FAM20C: variants seen among roughly 807,000 people sequenced by gnomAD.
FAM20C encodes extracellular serine/threonine protein kinase FAM20C.
A neutral mutation model predicts 51.5 loss-of-function variants in FAM20C; 40 were observed. The ratio of observed to expected loss-of-function variants is 0.78; its 90% CI spans 0.60 to 1.01. The LOEUF is 1.01. Ranked by LOEUF, FAM20C falls within the 50% of genes least tolerant of loss-of-function variation. The pLI is 0.00. For synonymous variants in FAM20C, 406 were observed against 380.6 expected, an observed-to-expected ratio of 1.07 and a Z score of -0.78; for missense variants, 861 against 844.7, an observed-to-expected ratio of 1.02 and a Z score of -0.24.
intron 3 of FAM20C, among the ~76,000 whole-genome samples, chr7:214,690 G>C (rs894710097): frequency 4.0e-4 from 61 of 152,294 alleles, no homozygotes; most frequent in African/African-American, 1.4e-3. Flanking sequence ...TCAGGCGCTT[G>C]CAGGGCTGAA....
chr7:226,282 C>A (rs1787441298), intron 3 of FAM20C, among the ~76,000 whole-genome samples: 1 of 152,152 alleles, frequency 6.6e-6, no homozygotes, highest in Admixed American at 6.5e-5. Flanking sequence ...ACCGGCTAAG[C>A]TGTCTGAGTC....
At chr7:220,567 C>A (rs188773583) in intron 3 of FAM20C, among the ~76,000 whole-genome samples, 2 of 152,196 alleles carry the variant, frequency 1.3e-5, no homozygotes, top group African/African-American at 4.8e-5. Context: ...CTGAGTTAAG[C>A]ATGACCTCTG....
intron 5 of FAM20C, among the ~76,000 whole-genome samples, chr7:255,479 T>C (rs1788555839): frequency 6.6e-6 from 1 of 152,232 alleles, no homozygotes; most frequent in South Asian, 2.1e-4. Context: ...TGCTAGATCC[T>C]CAGATGTGCG....
chr7:256,575 T>C, intron 6 of FAM20C, 79 bp from the exon 7 acceptor site: 1 of 1,189,544 alleles, frequency 8.4e-7, no homozygotes, highest in South Asian at 1.3e-5. Flanking sequence ...CCGCAGTGTT[T>C]CTCTTCTGCT....
chr7:254,984 A>G (rs999155228), intron 5 of FAM20C, among the ~76,000 whole-genome samples: 1 of 151,252 alleles, frequency 6.6e-6, no homozygotes, highest in African/African-American at 2.4e-5. Flanking sequence ...TGGCGTGTCC[A>G]CTCCTCTCTT....
At chr7:232,394 G>T (rs1787728475) in intron 3 of FAM20C, among the ~76,000 whole-genome samples, 1 of 152,206 alleles carries the variant, frequency 6.6e-6, no homozygotes, top group African/African-American at 2.4e-5. Context: ...CTCCTCCCTG[G>T]ACAGAGCAAC....
chr7:218,450 G>A (rs142590111), intron 3 of FAM20C, among the ~76,000 whole-genome samples: 14 of 152,330 alleles, frequency 9.2e-5, no homozygotes, highest in Non-Finnish European at 1.8e-4. Flanking sequence ...GGGACTGCAC[G>A]ACCTGCTCAA....
At chr7:242,159 G>C (rs1261916360) in intron 3 of FAM20C, among the ~76,000 whole-genome samples, 2 of 152,100 alleles carry the variant, frequency 1.3e-5, no homozygotes, top group Non-Finnish European at 2.9e-5. Context: ...CACACGGTGA[G>C]CTCCTGCAGT....
chr7:249,994 T>C (rs563049586), intron 5 of FAM20C, among the ~76,000 whole-genome samples: 1 of 152,294 alleles, frequency 6.6e-6, no homozygotes, highest in African/African-American at 2.4e-5. Flanking sequence ...CAGGAAACCC[T>C]GCAGAGCAAG....
At chr7:259,681 C>A in intron 9 of FAM20C, 50 bp from the exon 10 acceptor site, 2 of 1,466,822 alleles carry the variant, frequency 1.4e-6, no homozygotes, top group South Asian at 1.3e-5. Flanking sequence ...TTCCCGTGGG[C>A]AGGCATCTCC....
chr7:247,531 C>G (rs1177998628), intron 4 of FAM20C, among the ~76,000 whole-genome samples: 1 of 152,180 alleles, frequency 6.6e-6, no homozygotes, highest in Non-Finnish European at 1.5e-5. Context: ...TTAACAAGAT[C>G]CCTAGTGACG....
intron 2 of FAM20C, among the ~76,000 whole-genome samples, chr7:199,017 G>A (rs1351930524): frequency 1.3e-5 from 2 of 152,258 alleles, no homozygotes; most frequent in Non-Finnish European, 2.9e-5. Context: ...TGAACCAAGT[G>A]TGCCATGGGA....
intron 2 of FAM20C, among the ~76,000 whole-genome samples, chr7:204,167 TAA>T (rs1786246003): frequency 6.6e-6 from 1 of 151,918 alleles, no homozygotes; most frequent in African/African-American, 2.4e-5. Flanking sequence ...TCTAAGTTTT[TAA>T]TAGGCTGCTT....
chr7:204,796 G>A (rs941154156), intron 2 of FAM20C, among the ~76,000 whole-genome samples: 1 of 151,180 alleles, frequency 6.6e-6, no homozygotes, highest in Non-Finnish European at 1.5e-5. Flanking sequence ...TGTGGCACTC[G>A]TGTGGCCTTC....
intron 3 of FAM20C, chr7:227,825 AG>A (rs1201642726): frequency 6.6e-6 from 1 of 152,500 alleles, no homozygotes; most frequent in African/African-American, 2.4e-5. Flanking sequence ...ATTGTTTTCA[AG>A]TGGAAATGAC....
chr7:247,673 T>C (rs756825458), intron 4 of FAM20C, among the ~76,000 whole-genome samples: 6 of 140,240 alleles, frequency 4.3e-5, no homozygotes, highest in Non-Finnish European at 9.1e-5. Flanking sequence ...AAGGGCTTTT[T>C]ATGAAAAGAA....
intron 2 of FAM20C, among the ~76,000 whole-genome samples, chr7:203,018 A>C (rs1786203787): frequency 6.6e-6 from 1 of 152,204 alleles, no homozygotes; most frequent in African/African-American, 2.4e-5. Context: ...GGGGAGGGGC[A>C]GGTGTAGAGG....
At chr7:213,114 AGTGT>A (rs1786798474) in intron 3 of FAM20C, among the ~76,000 whole-genome samples, 1 of 66,242 alleles carries the variant, frequency 1.5e-5, no homozygotes, top group African/African-American at 6.5e-5. Flanking sequence ...GGAGTCCTGC[AGTGT>A]GTAGTCCTTT....
Position 229,069 on chromosome 7 carries a change from G to A in FAM20C, c.864-17346G>A, listed in dbSNP as rs117260453. ...CAAGATGCCTCCCTGTCAGCCCCAC[G>A]GGGGCCACTCTAGGACCAGAAGCAG... On this transcript the variant is annotated intron_variant, in intron 3 of 9. Coordinates refer to ENST00000313766, the MANE Select transcript of FAM20C (RefSeq NM_020223.4). The A allele has an allele frequency of 7.3e-3, 2,153 of 293,830 alleles. 14 individuals are homozygous for A. Among genetic ancestry groups the A allele is most frequent in the Middle Eastern group, 0.018 (14 of 798 alleles). The allele number at this position is 293,830 out of a possible 1,614,324, so 18.2% of individuals were successfully genotyped here.
Sources: gnomAD v4.1 joint callset for allele counts (sites outside exome capture counted in the v4.1 genomes callset) on GRCh38, gnomAD v4.1.1 for gene constraint, MANE v1.5 for transcripts, NCBI Gene and HGNC (gene_info 2026-07-23, HGNC 2026-07-21) for gene names.